Variants in ZNF578 observed in about 807,000 individuals in gnomAD.
ZNF578 encodes the protein Putative chemokine-related protein B42.
In ZNF578, 8 loss-of-function variants were observed where a neutral mutation model predicts 8.3. That is an observed-to-expected ratio of 0.96 (90% CI 0.56 to 1.74). The LOEUF (loss-of-function observed/expected upper bound fraction) is 1.74. Ranked by LOEUF, ZNF578 falls within the 40% of genes most tolerant of loss-of-function variation. ZNF578 has a pLI of 0.00. For synonymous variants in ZNF578, 206 were observed against 232.2 expected (o/e 0.89, Z 1.03); for missense variants, 726 against 707.5 (o/e 1.03, Z -0.30).
intron 2 of ZNF578, among the ~76,000 whole-genome samples, chr19:52,466,306 G>A (rs1308057422): frequency 3.9e-5 from 6 of 152,196 alleles, no homozygotes; most frequent in Non-Finnish European, 8.8e-5. Context: ...ACATTCCATT[G>A]CTTCAAAGGA....
intron 5 of ZNF578, among the ~76,000 whole-genome samples, chr19:52,507,597 T>C (rs895158612): frequency 2.6e-5 from 4 of 152,118 alleles, no homozygotes; most frequent in Admixed American, 2.6e-4. Flanking sequence ...AATTTATTTC[T>C]CATTAATCTG....
In ZNF578 at chr19:52,511,774, A is replaced by T. The variant is rs766179743; in HGVS notation, c.1393A>T (p.Ser465Cys). ...YKCEECDRVF[S>C]QKSNLERHKI... ...ATGTGAAGAATGTGACAGAGTTTTC[A>T]GTCAGAAATCAAACCTTGAGAGACA... The change falls in exon 6 of 6, where the codon AGT becomes TGT. Residue 465 changes from serine to cysteine, a missense_variant. Coordinates refer to ENST00000421239, the MANE Select transcript of ZNF578 (RefSeq NM_001099694.2). 6.2e-6 allele frequency: 10 copies of T among 1,613,418 alleles called. No individual in the cohort carries two copies. Among genetic ancestry groups the T allele is most frequent in the Non-Finnish European group, 8.5e-6 (10 of 1,179,820 alleles).
intron 2 of ZNF578, among the ~76,000 whole-genome samples, chr19:52,485,278 T>TG (rs2059341001): frequency 6.6e-6 from 1 of 152,316 alleles, no homozygotes; most frequent in Non-Finnish European, 1.5e-5. Context: ...AGCCAGAACG[T>TG]GGGGCTGTGC....
intron 4 of ZNF578, among the ~76,000 whole-genome samples, chr19:52,502,388 C>T (rs1261451453): frequency 6.6e-6 from 1 of 152,162 alleles, no homozygotes; most frequent in East Asian, 1.9e-4. Context: ...GCATTTGAAG[C>T]CACACTAGTA....
At chr19:52,494,296 A>G (rs962757803) in intron 3 of ZNF578, among the ~76,000 whole-genome samples, 3 of 152,054 alleles carry the variant, frequency 2.0e-5, no homozygotes, top group African/African-American at 7.2e-5. Context: ...AGACTAGCCT[A>G]GGCAAAATAG....
intron 2 of ZNF578, chr19:52,473,826 C>A: frequency 3.1e-6 from 1 of 320,628 alleles, no homozygotes; most frequent in South Asian, 7.7e-5. Flanking sequence ...TAAAGTTTCT[C>A]TCCTGTATGA....
intron 4 of ZNF578, among the ~76,000 whole-genome samples, chr19:52,504,340 C>G (rs1317044919): frequency 6.6e-6 from 1 of 152,126 alleles, no homozygotes; most frequent in African/African-American, 2.4e-5. Context: ...ATCTGCCCAC[C>G]TTGGCCTCCC....
At position 52,483,805 on chromosome 19, in the gene ZNF578, G is replaced by A. The variant is rs555445140; in HGVS notation, c.-121-7519G>A. 1.1e-3 allele frequency among the ~76,000 whole-genome samples: 162 copies of A among 152,300 alleles called. 2 individuals are homozygous for A. In the East Asian group the frequency reaches 0.013, roughly 13 times the overall value. On this transcript the variant is annotated intron_variant, in intron 2 of 5. Transcript: ENST00000421239. ...TTGCACCCTCCGACACTGTTAGTCA[G>A]TTCTTATTGCTTTTAATGCTGTGTA...
rs2059460156 is a variant in ZNF578, at chr19:52,513,691, C to G, written c.*1537C>G. ...CTTGCAGGGAGCCGAGATCGTGCCA[C>G]TGCACTCCAGGCTGGGCGACAGAGT... is the stretch of plus-strand genomic sequence containing the variant. On this transcript the variant is annotated 3_prime_UTR_variant, in exon 6 of 6. Transcript: ENST00000421239. 6.8e-6 allele frequency among the ~76,000 whole-genome samples: 1 copy of G among 146,450 alleles called. No homozygotes were observed. Among genetic ancestry groups the G allele is most frequent in the South Asian group, 2.1e-4 (1 of 4,696 alleles).
intron 2 of ZNF578, among the ~76,000 whole-genome samples, chr19:52,462,244 A>G (rs1034469852): frequency 1.3e-5 from 2 of 152,220 alleles, no homozygotes; most frequent in Admixed American, 1.3e-4. Context: ...ATGATAGGAT[A>G]CTGGTCTTTG....
At chr19:52,465,749 G>A (rs776395959) in intron 2 of ZNF578, among the ~76,000 whole-genome samples, 2 of 152,218 alleles carry the variant, frequency 1.3e-5, no homozygotes, top group Admixed American at 6.5e-5. Flanking sequence ...AATACGTGGC[G>A]TACTTATATT....
intron 2 of ZNF578, among the ~76,000 whole-genome samples, chr19:52,485,458 A>G (rs1367621349): frequency 1.3e-5 from 2 of 152,184 alleles, no homozygotes; most frequent in Non-Finnish European, 2.9e-5. Context: ...TGTGCGCAGC[A>G]TTGAGCATCG....
chr19:52,453,725 A>G (rs1469198205), intron 1 of ZNF578, 118 bp downstream of exon 1: 1 of 152,124 alleles, frequency 6.6e-6, no homozygotes, highest in Non-Finnish European at 1.5e-5. Context: ...TAGGTATATT[A>G]ATACGTCGCC....
chr19:52,497,481 A>G (rs913540115), intron 3 of ZNF578, among the ~76,000 whole-genome samples: 1 of 152,212 alleles, frequency 6.6e-6, no homozygotes, highest in Non-Finnish European at 1.5e-5. Flanking sequence ...CTGGCCTCCC[A>G]AAGTGCTGGG....
intron 2 of ZNF578, among the ~76,000 whole-genome samples, chr19:52,486,177 A>G (rs8111565): frequency 0.33 from 50,553 of 152,094 alleles, 8,632 homozygotes; most frequent in Non-Finnish European, 0.36. Flanking sequence ...GTGTTTATGT[A>G]TATGCACATC....
Position 52,512,324 on chromosome 19 carries a change from A to G in ZNF578, c.*170A>G. ...GTCAACACTTACCATCAGGCCATTCATGGTGTAGGGAAACTTGACTAATGT... is the reference window on the plus strand; with the variant it reads ...GTCAACACTTACCATCAGGCCATTCGTGGTGTAGGGAAACTTGACTAATGT... On this transcript the variant is annotated 3_prime_UTR_variant, in exon 6 of 6. Transcript: ENST00000421239. The G allele has an allele frequency of 1.9e-6, 3 of 1,539,770 alleles. No individual in the cohort carries two copies. Among genetic ancestry groups the G allele is most frequent in the Middle Eastern group, 1.7e-4 (1 of 5,924 alleles).
chr19:52,507,291 G>C (rs1158192318), intron 5 of ZNF578, among the ~76,000 whole-genome samples: 1 of 152,192 alleles, frequency 6.6e-6, no homozygotes, highest in African/African-American at 2.4e-5. Flanking sequence ...GAGAGGCTGA[G>C]ATGGGAGAAT....
chr19:52,491,713 AAAAAT>A (rs2059365552), intron 3 of ZNF578, among the ~76,000 whole-genome samples: 1 of 152,136 alleles, frequency 6.6e-6, no homozygotes, highest in South Asian at 2.1e-4. Context: ...ATACTGTCTT[AAAAAT>A]AAAATAAAAG....
At chr19:52,487,325 T>C (rs959329929) in intron 2 of ZNF578, among the ~76,000 whole-genome samples, 14 of 152,170 alleles carry the variant, frequency 9.2e-5, no homozygotes, top group African/African-American at 3.4e-4. Flanking sequence ...CGAGAGACTT[T>C]GGGTTTAGAT....
Sources: allele counts gnomAD v4.1 joint callset (sites outside exome capture counted in the v4.1 genomes callset), GRCh38; gene constraint gnomAD v4.1.1; transcripts MANE v1.5; gene names NCBI Gene and HGNC (gene_info 2026-07-23, HGNC 2026-07-21).